The following CNTN1 variants were observed in gnomAD, a reference collection of about 807,000 sequenced individuals.
The protein encoded by CNTN1 is contactin-1.
In CNTN1, 38 loss-of-function variants were observed where a neutral mutation model predicts 126.4. The ratio of observed to expected loss-of-function variants is 0.30; its 90% CI spans 0.23 to 0.39. The LOEUF (loss-of-function observed/expected upper bound fraction) is 0.39, where lower values mean the gene tolerates loss of function less well. Ranked by LOEUF, CNTN1 falls within the 10% of genes least tolerant of loss-of-function variation. The pLI, the probability that CNTN1 is intolerant of heterozygous loss-of-function variation, is 1.00. For missense variants in CNTN1, 1,009 were observed against 1,248.4 expected, an observed-to-expected ratio of 0.81 and a Z score of 2.89; for synonymous variants, 413 against 422.6, an observed-to-expected ratio of 0.98 and a Z score of 0.28.
At chr12:40,754,385 G>T (rs561175244) in intron 1 of CNTN1, among the ~76,000 whole-genome samples, 2 of 152,110 alleles carry the variant, frequency 1.3e-5, no homozygotes, top group African/African-American at 4.8e-5. Flanking sequence ...ACATTCTCCT[G>T]CATACTTTAA....
intron 23 of CNTN1, among the ~76,000 whole-genome samples, chr12:41,063,872 C>G (rs1322235528): frequency 6.6e-6 from 1 of 152,036 alleles, no homozygotes; most frequent in African/African-American, 2.4e-5. Flanking sequence ...TGAGAGAAGT[C>G]AGTCTGAGAA....
intron 1 of CNTN1, among the ~76,000 whole-genome samples, chr12:40,820,989 C>A (rs940944896): frequency 1.3e-5 from 2 of 152,178 alleles, no homozygotes; most frequent in Admixed American, 6.5e-5. Context: ...TCTCTGTCAA[C>A]TTGATGACGT....
intron 1 of CNTN1, among the ~76,000 whole-genome samples, chr12:40,850,433 G>A (rs1942675704): frequency 6.6e-6 from 1 of 152,038 alleles, no homozygotes. Context: ...TATCCAGAAG[G>A]AGTTTTGGTA....
chr12:40,879,966 C>G (rs1195282952), intron 1 of CNTN1, among the ~76,000 whole-genome samples: 1 of 152,022 alleles, frequency 6.6e-6, no homozygotes, highest in Non-Finnish European at 1.5e-5. Context: ...TCTTATCAAA[C>G]AAGCTGAATA....
At chr12:40,916,878 C>T (rs146622854) in intron 3 of CNTN1, among the ~76,000 whole-genome samples, 3,590 of 152,100 alleles carry the variant, frequency 0.024, 70 homozygotes, top group South Asian at 0.047. Flanking sequence ...TCTCATTCTT[C>T]TGATTCTGAT....
At chr12:41,039,099 T>C (rs951355559) in intron 23 of CNTN1, among the ~76,000 whole-genome samples, 5 of 152,308 alleles carry the variant, frequency 3.3e-5, no homozygotes, top group African/African-American at 1.2e-4. Flanking sequence ...GATTAAGGAC[T>C]TTAGATTTTA....
chr12:40,919,820 A>G (rs1945373884), intron 4 of CNTN1, among the ~76,000 whole-genome samples: 1 of 152,184 alleles, frequency 6.6e-6, no homozygotes, highest in Admixed American at 6.6e-5. Context: ...TGATATAAGT[A>G]GGTATTTTAT....
At chr12:40,844,202 G>A (rs1283571639) in intron 1 of CNTN1, among the ~76,000 whole-genome samples, 1 of 151,420 alleles carries the variant, frequency 6.6e-6, no homozygotes, top group African/African-American at 2.4e-5. Flanking sequence ...CGAGTAGCTG[G>A]GTCTACAGGC....
At chr12:40,819,464 T>G (rs1941372311) in intron 1 of CNTN1, among the ~76,000 whole-genome samples, 1 of 152,150 alleles carries the variant, frequency 6.6e-6, no homozygotes, top group African/African-American at 2.4e-5. Context: ...ACTCTGGCCG[T>G]ATTCCACAGC....
chr12:41,040,615 G>C (rs1043195983), intron 23 of CNTN1, among the ~76,000 whole-genome samples: 1 of 152,074 alleles, frequency 6.6e-6, no homozygotes, highest in Non-Finnish European at 1.5e-5. Flanking sequence ...AGTTCTCCTT[G>C]AAGAGGTCCT....
intron 1 of CNTN1, among the ~76,000 whole-genome samples, chr12:40,874,187 A>AAAT (rs1005704282): frequency 6.6e-6 from 1 of 152,080 alleles, no homozygotes; most frequent in African/African-American, 2.4e-5. Context: ...AAAATTAGGT[A>AAAT]AATAATAATA....
rs760650497 is a variant in CNTN1, at chr12:40,933,775, T to A, written c.882T>A (p.Val294=). Residue 294 remains valine (V), a synonymous_variant, in exon 9 of 24, where the codon GTT becomes GTA. Coordinates refer to ENST00000551295, the MANE Select transcript of CNTN1 (RefSeq NM_001843.4). ...STAEISTSGA[V]LKIFNIQLED... ...CTGAGATTAGCACCTCTGGGGCTGT[T>A]CTTAAGATCTTCAATATTCAGCTAG... 5 of 1,612,824 alleles carry A rather than the reference T, an allele frequency of 3.1e-6. No individual in the cohort carries two copies.
intron 6 of CNTN1, among the ~76,000 whole-genome samples, chr12:40,926,576 G>A (rs1945701890): frequency 6.6e-6 from 1 of 152,016 alleles, no homozygotes; most frequent in Admixed American, 6.6e-5. Context: ...CACATGACAT[G>A]ACTTAAGTTA....
Position 41,025,130 on chromosome 12 carries a change from C to A in CNTN1, c.2524-20C>A. The A allele has an allele frequency of 3.7e-6, 6 of 1,612,992 alleles. No homozygotes were observed. Among genetic ancestry groups the A allele is most frequent in the Non-Finnish European group, 5.1e-6 (6 of 1,179,438 alleles). On this transcript the variant is annotated intron_variant, in intron 20 of 23. Coordinates refer to ENST00000551295, the MANE Select transcript of CNTN1 (RefSeq NM_001843.4). ...GACTCTAAATCATGGCAAAATATAA[C>A]TCATCCTGAATGTTTGCAGATTCGG...
chr12:40,871,056 C>T (rs1007847025), intron 1 of CNTN1, among the ~76,000 whole-genome samples: 1 of 137,214 alleles, frequency 7.3e-6, no homozygotes, highest in African/African-American at 2.8e-5. Flanking sequence ...ACCACTGTCT[C>T]ACAACCTTTT....
chr12:40,786,703 G>C (rs1298177965), intron 1 of CNTN1, among the ~76,000 whole-genome samples: 5 of 152,082 alleles, frequency 3.3e-5, no homozygotes, highest in Non-Finnish European at 7.4e-5. Context: ...CAATAAAGAA[G>C]AACTGGAAGC....
chr12:40,972,695 C>T (rs2137049890), intron 15 of CNTN1: 2 of 958,690 alleles, frequency 2.1e-6, no homozygotes, highest in Non-Finnish European at 2.5e-6. Context: ...TATCTTAGAA[C>T]TTAGACTAGA....
intron 1 of CNTN1, among the ~76,000 whole-genome samples, chr12:40,888,989 T>C (rs906313186): frequency 6.6e-6 from 1 of 152,262 alleles, no homozygotes; most frequent in African/African-American, 2.4e-5. Context: ...TTCAGGCCTG[T>C]GCCAGGGATG....
At chr12:40,984,064 G>C (rs1255090212) in intron 16 of CNTN1, among the ~76,000 whole-genome samples, 1 of 149,314 alleles carries the variant, frequency 6.7e-6, no homozygotes, top group Non-Finnish European at 1.5e-5. Context: ...AAAAGAGGAA[G>C]ATGAAATAAA....
Sources: allele counts gnomAD v4.1 joint callset (sites outside exome capture counted in the v4.1 genomes callset), GRCh38; gene constraint gnomAD v4.1.1; transcripts MANE v1.5; gene names NCBI Gene and HGNC (gene_info 2026-07-23, HGNC 2026-07-21).